COBL: variants seen among roughly 807,000 people sequenced by gnomAD.
The protein encoded by COBL is protein cordon-bleu.
Under a neutral mutation model 98.8 loss-of-function variants are expected in COBL, and 51 were observed. The ratio of observed to expected loss-of-function variants is 0.52; its 90% CI spans 0.41 to 0.65. The LOEUF is 0.65. COBL is among the 30% of genes least tolerant of loss of function. The pLI, the probability that COBL is intolerant of heterozygous loss-of-function variation, is 0.00. For missense variants in COBL, 1,617 were observed against 1,617.5 expected (o/e 1.00, Z 0.01); for synonymous variants, 634 against 651.7 (o/e 0.97, Z 0.41).
intron 6 of COBL, among the ~76,000 whole-genome samples, chr7:51,117,961 A>G (rs1287853954): frequency 2.6e-5 from 4 of 152,172 alleles, no homozygotes; most frequent in Non-Finnish European, 5.9e-5. Context: ...GCTGCTTGGT[A>G]TCTGTCCTTT....
chr7:51,182,554 T>C (rs1563006048), intron 5 of COBL, among the ~76,000 whole-genome samples: 1 of 151,878 alleles, frequency 6.6e-6, no homozygotes, highest in Non-Finnish European at 1.5e-5. Flanking sequence ...AGTGCTGGGA[T>C]TACAGTTGTG....
chr7:51,233,809 T>C (rs531428292), intron 1 of COBL, among the ~76,000 whole-genome samples: 20 of 152,352 alleles, frequency 1.3e-4, no homozygotes, highest in African/African-American at 4.8e-4. Context: ...GGAGAGAGCC[T>C]GATTTCCAGG....
chr7:51,272,946 T>TA (rs894311436), intron 1 of COBL, among the ~76,000 whole-genome samples: 2,728 of 148,574 alleles, frequency 0.018, 82 homozygotes, highest in African/African-American at 0.066. Flanking sequence ...TGGAACACAA[T>TA]ACCAACAACA....
intron 1 of COBL, among the ~76,000 whole-genome samples, chr7:51,226,862 C>T (rs564057897): frequency 6.6e-6 from 1 of 152,298 alleles, no homozygotes; most frequent in East Asian, 1.9e-4. Context: ...CCCCTGGCAA[C>T]TTCATATGCA....
intron 1 of COBL, among the ~76,000 whole-genome samples, chr7:51,249,647 A>G (rs1796545995): frequency 6.6e-6 from 1 of 152,144 alleles, no homozygotes; most frequent in Non-Finnish European, 1.5e-5. Context: ...TTGCTCCTCA[A>G]TAAAAGCTTT....
rs537781919 is a variant in COBL at position 51,251,690 on chromosome 7, A to T, written c.42-31746T>A. On this transcript the variant is annotated intron_variant, in intron 1 of 12. Transcript: ENST00000265136. The stretch of plus-strand genomic sequence containing the variant: ...TGTCCCCACTGCATGCCCAGATCAC[A>T]GTACCAGACATACGGTGTACACTCA... 3.3e-5 allele frequency among the ~76,000 whole-genome samples: 5 copies of T among 152,340 alleles called. No homozygotes were observed. The East Asian group carries it at 7.7e-4, about 23-fold the overall frequency.
intron 8 of COBL, among the ~76,000 whole-genome samples, chr7:51,040,174 A>C (rs1789033371): frequency 6.7e-6 from 1 of 149,432 alleles, no homozygotes; most frequent in Non-Finnish European, 1.5e-5. Context: ...CTAATTTGTC[A>C]GTTGAGATAA....
chr7:51,041,015 A>T (rs184331655), intron 8 of COBL, among the ~76,000 whole-genome samples: 1 of 152,268 alleles, frequency 6.6e-6, no homozygotes, highest in Non-Finnish European at 1.5e-5. Context: ...ACTGCAGAAC[A>T]GACGTGGAGA....
At chr7:51,230,798 C>T (rs1001726597) in intron 1 of COBL, among the ~76,000 whole-genome samples, 4 of 152,244 alleles carry the variant, frequency 2.6e-5, no homozygotes, top group African/African-American at 4.8e-5. Context: ...TCGCCCACAT[C>T]GTGGTTACTT....
chr7:51,140,473 C>A (rs182914666), intron 5 of COBL, among the ~76,000 whole-genome samples: 85 of 152,336 alleles, frequency 5.6e-4, no homozygotes, highest in Non-Finnish European at 1.1e-3. Context: ...GTATCATCTG[C>A]CACAAGTGCT....
intron 2 of COBL, among the ~76,000 whole-genome samples, chr7:51,218,476 T>A (rs771956636): frequency 8.5e-5 from 13 of 152,218 alleles, no homozygotes; most frequent in Admixed American, 2.0e-4. Flanking sequence ...ACATTTTATA[T>A]CATTTCTTTT....
chr7:51,156,240 A>G (rs770183148), intron 5 of COBL: 10 of 984,952 alleles, frequency 1.0e-5, no homozygotes, highest in Non-Finnish European at 1.1e-5. Flanking sequence ...AGGCAAATTA[A>G]TTCCTTTCTT....
chr7:51,164,903 T>G (rs1041624475), intron 5 of COBL, among the ~76,000 whole-genome samples: 7 of 152,112 alleles, frequency 4.6e-5, no homozygotes, highest in African/African-American at 1.7e-4. Flanking sequence ...TTATTCATTT[T>G]CTTTTTGCTT....
At chr7:51,024,905 GCTGA>G (rs1460443205) in intron 12 of COBL, among the ~76,000 whole-genome samples, 200 bp downstream of exon 12, 4 of 152,128 alleles carry the variant, frequency 2.6e-5, no homozygotes, top group African/African-American at 7.2e-5. Context: ...CATGCAGGAG[GCTGA>G]CTTTCTCACC....
chr7:51,056,506 C>A (rs1319258765), intron 7 of COBL, among the ~76,000 whole-genome samples: 4 of 152,176 alleles, frequency 2.6e-5, no homozygotes, highest in Non-Finnish European at 4.4e-5. Flanking sequence ...TCTGCAACCT[C>A]AGGGCATCAG....
At position 51,085,170 on chromosome 7, in the gene COBL, C is replaced by A. The variant is rs1333310760; in HGVS notation, c.1092G>T (p.Thr364=). The change falls in exon 7 of 13, where the codon ACG becomes ACT. Residue 364 remains threonine, a synonymous_variant. Coordinates refer to ENST00000265136, the MANE Select transcript of COBL (RefSeq NM_015198.5). ...GGCAGGCCGAGCCTCACTCACCCAT[C>A]GTGCTCTTCCTGTTCTCCTCCTTAT... ...TEDKEENRKS[T]MVSLPLGSGS... The A allele has an allele frequency of 3.1e-6, 5 of 1,613,806 alleles. No homozygotes were observed. Among genetic ancestry groups the A allele is most frequent in the Non-Finnish European group, 4.2e-6 (5 of 1,180,008 alleles).
intron 6 of COBL, among the ~76,000 whole-genome samples, chr7:51,104,096 G>A (rs1796045433): frequency 6.6e-6 from 1 of 152,198 alleles, no homozygotes; most frequent in South Asian, 2.1e-4. Context: ...CCTCTAAAGT[G>A]CTTAAGTAAT....
intron 5 of COBL, among the ~76,000 whole-genome samples, chr7:51,158,483 C>A (rs1786424847): frequency 6.6e-6 from 1 of 151,988 alleles, no homozygotes; most frequent in South Asian, 2.1e-4. Context: ...ATTTAAGATG[C>A]AGAAATCAAG....
rs200478913 is a variant in COBL, at chr7:51,028,055, C to A, written c.3041G>T (p.Arg1014Leu). 4.3e-6 allele frequency: 7 copies of A among 1,610,960 alleles called. No homozygotes were observed. The African/African-American group carries it at 8.0e-5, about 18-fold the overall frequency. ...GGGTGGGTCTGTACCATCAGGTGCG[C>A]GTCTGGGCTCAGATGCTGAGCTGGC... Reference protein sequence around the residue: ...QEASSASEPRRAPDGTDPPPP... With the variant: ...QEASSASEPRLAPDGTDPPPP... The change falls in exon 10 of 13, where the codon CGC (arginine) becomes CTC (leucine). Residue 1014 changes from arginine (R) to leucine (L), a missense_variant. Around this residue, in one of 3 missense-constraint regions of COBL, gnomAD observed 1,304 missense variants for 1,282.0 expected, o/e 1.02. Transcript: ENST00000265136.
Sources: allele counts gnomAD v4.1 joint callset (sites outside exome capture counted in the v4.1 genomes callset), GRCh38; gene constraint gnomAD v4.1.1; regional missense constraint gnomAD v4.1.1; transcripts MANE v1.5; gene names NCBI Gene and HGNC (gene_info 2026-07-23, HGNC 2026-07-21).